CSMD3: variants seen among roughly 807,000 people sequenced by gnomAD.
CSMD3 encodes the protein CUB and sushi domain-containing protein 3.
CSMD3 carries 177 observed loss-of-function variants against 435.2 expected under a neutral mutation model. That is an observed-to-expected ratio of 0.41 (90% CI 0.36 to 0.46). The LOEUF is 0.46. Ranked by LOEUF, CSMD3 falls within the 20% of genes least tolerant of loss-of-function variation. CSMD3 has a pLI of 0.34. For missense variants in CSMD3, 4,265 were observed against 4,504.6 expected (o/e 0.95, Z 1.52); for synonymous variants, 1,656 against 1,520.5 (o/e 1.09, Z -2.07).
At chr8:112,457,959 CAT>C (rs761186716) in intron 32 of CSMD3, among the ~76,000 whole-genome samples, 7 of 151,924 alleles carry the variant, frequency 4.6e-5, no homozygotes, top group Non-Finnish European at 1.0e-4. Flanking sequence ...CTGGAAGAAA[CAT>C]AGAAAATGTC....
intron 22 of CSMD3, among the ~76,000 whole-genome samples, chr8:112,618,334 T>C (rs1407129454): frequency 6.6e-6 from 1 of 151,964 alleles, no homozygotes; most frequent in Non-Finnish European, 1.5e-5. Context: ...AGAAAAAGAA[T>C]ATAAATATGG....
At chr8:112,911,545 T>C (rs984576807) in intron 10 of CSMD3, among the ~76,000 whole-genome samples, 2 of 151,674 alleles carry the variant, frequency 1.3e-5, no homozygotes, top group African/African-American at 4.8e-5. Flanking sequence ...CTTAGCAGAC[T>C]CTCCTCCGGG....
intron 9 of CSMD3, among the ~76,000 whole-genome samples, chr8:112,929,542 C>A (rs1322626595): frequency 1.3e-5 from 2 of 151,892 alleles, no homozygotes; most frequent in Non-Finnish European, 2.9e-5. Context: ...TGCTTTATCT[C>A]TTATATATAA....
intron 1 of CSMD3, among the ~76,000 whole-genome samples, chr8:113,406,921 G>T (rs1185009880): frequency 6.6e-6 from 1 of 152,012 alleles, no homozygotes; most frequent in Non-Finnish European, 1.5e-5. Flanking sequence ...TAAATTTATG[G>T]TAGCCTGCAT....
At chr8:113,247,885 C>T (rs1020205444) in intron 3 of CSMD3, among the ~76,000 whole-genome samples, 1 of 151,964 alleles carries the variant, frequency 6.6e-6, no homozygotes. Context: ...TATAATAAAA[C>T]AGATAACAAA....
chr8:112,477,193 G>A (rs977016332), intron 31 of CSMD3, among the ~76,000 whole-genome samples: 4 of 152,056 alleles, frequency 2.6e-5, no homozygotes, highest in African/African-American at 9.7e-5. Context: ...ATCCATATAA[G>A]CCTATTTTTT....
intron 26 of CSMD3, among the ~76,000 whole-genome samples, chr8:112,551,617 C>A (rs943101470): frequency 2.6e-5 from 4 of 151,880 alleles, no homozygotes; most frequent in African/African-American, 9.7e-5. Flanking sequence ...TTATTACTTT[C>A]AAGTTTAATA....
chr8:112,379,656 A>G (rs573439173), intron 38 of CSMD3, among the ~76,000 whole-genome samples: 33 of 152,302 alleles, frequency 2.2e-4, no homozygotes, highest in African/African-American at 7.7e-4. Flanking sequence ...AAGTTTTTCC[A>G]AAAATAAAAA....
chr8:113,349,233 G>C (rs953691928), intron 1 of CSMD3, among the ~76,000 whole-genome samples: 2 of 151,954 alleles, frequency 1.3e-5, no homozygotes, highest in East Asian at 3.9e-4. Context: ...ACCAACACTT[G>C]TGCCAAAGGG....
intron 5 of CSMD3, among the ~76,000 whole-genome samples, chr8:113,095,292 G>A (rs2090129691): frequency 6.6e-6 from 1 of 151,912 alleles, no homozygotes; most frequent in Non-Finnish European, 1.5e-5. Context: ...TCCAAAAAAG[G>A]AGAAAAAAAC....
chr8:113,173,836 T>C lies in CSMD3; in HGVS notation c.595A>G (p.Lys199Glu). 6.2e-7 allele frequency: 1 copy of C among 1,613,912 alleles called. No homozygotes were observed. The highest frequency in any genetic ancestry group is 1.3e-5 in the African/African-American group (1 of 75,042). The change falls in exon 4 of 71, where the codon AAG becomes GAG. Residue 199 changes from lysine to glutamate, a missense_variant. Transcript: ENST00000297405. ...LYGTRFDVGD[K>E]IRYSCVTGYI... ...CCAGTTACACAGCTGTAGCGGATCT[T>C]GTCCCCGACGTCGAATCTTGTGCCA...
chr8:113,343,301 A>T (rs896489440), intron 1 of CSMD3, among the ~76,000 whole-genome samples: 1 of 152,168 alleles, frequency 6.6e-6, no homozygotes, highest in Non-Finnish European at 1.5e-5. Context: ...TTGGTACAGA[A>T]ATGGGAACTA....
At chr8:113,177,446 T>A (rs1342357093) in intron 3 of CSMD3, among the ~76,000 whole-genome samples, 1 of 152,002 alleles carries the variant, frequency 6.6e-6, no homozygotes, top group Non-Finnish European at 1.5e-5. Context: ...TTATCTTCTT[T>A]TACCAGCAGA....
At chr8:112,502,950 T>C (rs974719279) in intron 30 of CSMD3, among the ~76,000 whole-genome samples, 3 of 152,194 alleles carry the variant, frequency 2.0e-5, no homozygotes, top group African/African-American at 7.2e-5. Context: ...AGACATAAAC[T>C]ATAAAATTTT....
At chr8:112,952,374 C>A (rs1482380476) in intron 8 of CSMD3, among the ~76,000 whole-genome samples, 2 of 151,492 alleles carry the variant, frequency 1.3e-5, no homozygotes, top group Admixed American at 1.3e-4. Context: ...ATCTTTTTTT[C>A]AAAGAACATG....
intron 70 of CSMD3, among the ~76,000 whole-genome samples, chr8:112,227,184 A>G (rs927285133): frequency 3.3e-5 from 5 of 152,232 alleles, no homozygotes; most frequent in Non-Finnish European, 5.9e-5. Context: ...ATGTCCATCA[A>G]TTGATGAATG....
chr8:112,520,519 T>C (rs1047933462), intron 27 of CSMD3, among the ~76,000 whole-genome samples: 1 of 151,742 alleles, frequency 6.6e-6, no homozygotes, highest in Non-Finnish European at 1.5e-5. Flanking sequence ...TGTCTATTGA[T>C]GAAAGAATTG....
intron 66 of CSMD3, among the ~76,000 whole-genome samples, chr8:112,241,144 T>C (rs937575186): frequency 1.3e-5 from 2 of 152,012 alleles, no homozygotes; most frequent in Non-Finnish European, 2.9e-5. Flanking sequence ...TTAATTATTA[T>C]TTCTTTTGGA....
chr8:113,021,983 T>C (rs988501846), intron 5 of CSMD3, among the ~76,000 whole-genome samples: 3 of 152,164 alleles, frequency 2.0e-5, no homozygotes, highest in African/African-American at 7.2e-5. Flanking sequence ...GAGAGAAATA[T>C]ACAGTCATTG....
Sources: gnomAD v4.1 joint callset for allele counts (sites outside exome capture counted in the v4.1 genomes callset) on GRCh38, gnomAD v4.1.1 for gene constraint, MANE v1.5 for transcripts, NCBI Gene and HGNC (gene_info 2026-07-23, HGNC 2026-07-21) for gene names.